PAK2: variants seen among roughly 807,000 people sequenced by gnomAD.
PAK2 encodes p21 (RAC1) activated kinase 2, also known as serine/threonine-protein kinase PAK 2.
In PAK2, 21 loss-of-function variants were observed where a neutral mutation model predicts 65.9. The ratio of observed to expected loss-of-function variants is 0.32; its 90% CI spans 0.23 to 0.46. The LOEUF is 0.46. Ranked by LOEUF, PAK2 falls within the 20% of genes least tolerant of loss-of-function variation. PAK2 has a pLI of 1.00. For synonymous variants in PAK2, 204 were observed against 219.7 expected (o/e 0.93, Z 0.63); for missense variants, 324 against 642.6 (o/e 0.50, Z 5.36).
chr3:196,742,394 T>C (rs546957631), intron 1 of PAK2, among the ~76,000 whole-genome samples: 2 of 152,282 alleles, frequency 1.3e-5, no homozygotes, highest in South Asian at 4.1e-4. Flanking sequence ...CAACAGTTTC[T>C]ATTTCAATTA....
intron 1 of PAK2, chr3:196,747,180 T>TG (rs1553799000): frequency 2.0e-5 from 3 of 151,256 alleles, no homozygotes; most frequent in South Asian, 2.1e-4. Context: ...GCTTTTTTTT[T>TG]TTGTTGTTAA....
chr3:196,766,283 A>T (rs1450544266), intron 1 of PAK2, among the ~76,000 whole-genome samples: 1 of 152,206 alleles, frequency 6.6e-6, no homozygotes, highest in African/African-American at 2.4e-5. Flanking sequence ...AATATGATAC[A>T]TCATGGTAGC....
At chr3:196,801,517 A>G (rs1715421948) in intron 2 of PAK2, among the ~76,000 whole-genome samples, 1 of 152,176 alleles carries the variant, frequency 6.6e-6, no homozygotes, top group Non-Finnish European at 1.5e-5. Flanking sequence ...TTCTAGAATA[A>G]CTTTGATCCT....
At chr3:196,788,366 C>T (rs141365573) in intron 2 of PAK2, among the ~76,000 whole-genome samples, 2,312 of 152,112 alleles carry the variant, frequency 0.015, 104 homozygotes, top group Admixed American at 0.097. Context: ...GCTTTCCTTA[C>T]TAAAAAAACA....
At chr3:196,775,727 A>G (rs937976854) in intron 1 of PAK2, among the ~76,000 whole-genome samples, 5 of 152,108 alleles carry the variant, frequency 3.3e-5, no homozygotes, top group African/African-American at 9.7e-5. Flanking sequence ...GTGTAATGTC[A>G]TTTGCTTAGA....
intron 1 of PAK2, among the ~76,000 whole-genome samples, chr3:196,765,143 CT>C (rs58406576): frequency 0.076 from 7,515 of 98,506 alleles, 194 homozygotes; most frequent in East Asian, 0.23. Context: ...CGTGCCCGGC[CT>C]TTTTTTTTTT....
chr3:196,817,727 G>A (rs988600554), intron 11 of PAK2, among the ~76,000 whole-genome samples: 4 of 152,122 alleles, frequency 2.6e-5, no homozygotes, highest in African/African-American at 9.7e-5. Flanking sequence ...TTGAATTCCT[G>A]CCCTCAAGTG....
At chr3:196,749,073 GTTCTT>G (rs1560088632) in intron 1 of PAK2, among the ~76,000 whole-genome samples, 1 of 123,392 alleles carries the variant, frequency 8.1e-6, no homozygotes, top group Non-Finnish European at 1.9e-5. Context: ...CATGTCAGAA[GTTCTT>G]TTCTTTTTTT....
chr3:196,792,200 G>T (rs1235225109), intron 2 of PAK2, among the ~76,000 whole-genome samples: 2 of 152,170 alleles, frequency 1.3e-5, no homozygotes, highest in African/African-American at 4.8e-5. Flanking sequence ...AAAGTAGGAT[G>T]CTGAGCAGAT....
chr3:196,795,488 A>G (rs113314240), intron 2 of PAK2, among the ~76,000 whole-genome samples: 1 of 152,068 alleles, frequency 6.6e-6, no homozygotes, highest in Non-Finnish European at 1.5e-5. Context: ...AACAACAACA[A>G]CAAAAACACA....
At chr3:196,821,221 A>G (rs1043717706) in intron 13 of PAK2, among the ~76,000 whole-genome samples, 3 of 152,054 alleles carry the variant, frequency 2.0e-5, no homozygotes, top group African/African-American at 7.2e-5. Flanking sequence ...CTCAACAATC[A>G]GAGGCTGAGG....
intron 7 of PAK2, among the ~76,000 whole-genome samples, chr3:196,809,744 T>A (rs1316617040): frequency 6.6e-6 from 1 of 152,104 alleles, no homozygotes; most frequent in East Asian, 1.9e-4. Flanking sequence ...TGGTATCTTT[T>A]TGTTCTTAGC....
At chr3:196,821,063 A>G (rs991095643) in intron 13 of PAK2, among the ~76,000 whole-genome samples, 6 of 152,118 alleles carry the variant, frequency 3.9e-5, no homozygotes, top group Non-Finnish European at 8.8e-5. Context: ...CTGGTCTCAA[A>G]TTCTTGACCT....
At chr3:196,821,923 G>A (rs550828265) in intron 13 of PAK2, among the ~76,000 whole-genome samples, 1 of 152,158 alleles carries the variant, frequency 6.6e-6, no homozygotes, top group Non-Finnish European at 1.5e-5. Flanking sequence ...CAAACCTGGT[G>A]AACAGTGGAA....
At chr3:196,808,557 CAAAAAAAA>C (rs1208200034) in intron 7 of PAK2, among the ~76,000 whole-genome samples, 2 of 56,582 alleles carry the variant, frequency 3.5e-5, no homozygotes, top group Non-Finnish European at 6.9e-5. Context: ...GACTCCATCT[CAAAAAAAA>C]AAAAAAAAAA....
At chr3:196,801,758 G>C (rs545814509) in intron 2 of PAK2, among the ~76,000 whole-genome samples, 169 bp from the exon 3 acceptor site, 1 of 151,996 alleles carries the variant, frequency 6.6e-6, no homozygotes, top group Non-Finnish European at 1.5e-5. Flanking sequence ...GCTTGAACCC[G>C]GGAAGCAGAG....
In PAK2 at chr3:196,811,233, C is replaced by CCTTCCTTCCCTCCCTT; in HGVS notation, c.773+581_773+582insTTCCTTCCCTCCCTTC. Among the ~76,000 whole-genome samples the CCTTCCTTCCCTCCCTT allele has an allele frequency of 7.8e-4, 23 of 29,616 alleles. 7 individuals carry two copies. The highest frequency in any genetic ancestry group is 2.5e-3 in the African/African-American group (23 of 9,148). The allele number at this position is 29,616 out of a possible 152,430, so 19.4% of individuals were successfully genotyped here. On this transcript the variant is annotated intron_variant, in intron 8 of 14. Coordinates refer to ENST00000327134, the MANE Select transcript of PAK2 (RefSeq NM_002577.4). ...TTCCCTTCCCTCCCTCCCTTCCCTT[C>CCTTCCTTCCCTCCCTT]CCTTCCTTCCCTCCCTCCCCTCCCT...
rs554244415 is a variant in PAK2, at chr3:196,790,299, A to G, written c.187+7466A>G. 2.0e-4 allele frequency among the ~76,000 whole-genome samples: 30 copies of G among 152,300 alleles called. No homozygotes were observed. The South Asian group carries it at 3.9e-3, about 20-fold the overall frequency. ...ATTCTTTTCAGTACCTTTTGTCAAC[A>G]TGTGACTCAGGGTCTCTGCCTCTTG... On this transcript the variant is annotated intron_variant, in intron 2 of 14. Coordinates refer to ENST00000327134, the MANE Select transcript of PAK2 (RefSeq NM_002577.4).
At chr3:196,814,922 G>C (rs951815049) in intron 11 of PAK2, among the ~76,000 whole-genome samples, 25 of 152,166 alleles carry the variant, frequency 1.6e-4, no homozygotes, top group African/African-American at 6.0e-4. Context: ...GCTCACGCCT[G>C]TAATCCCAGC....
Sources: allele counts gnomAD v4.1 joint callset (sites outside exome capture counted in the v4.1 genomes callset), GRCh38; gene constraint gnomAD v4.1.1; transcripts MANE v1.5; gene names NCBI Gene and HGNC (gene_info 2026-07-23, HGNC 2026-07-21).